FANCA: variants seen among roughly 807,000 people sequenced by gnomAD.
FANCA encodes Fanconi anemia group A protein.
In FANCA, 236 loss-of-function variants were observed where a neutral mutation model predicts 194.3. The observed-to-expected ratio is 1.21, with a 90% CI of 1.09 to 1.35. FANCA has a LOEUF of 1.35. FANCA is among the 40% of genes most tolerant of loss of function. The probability of loss-of-function intolerance (pLI) is 0.00; values close to 1 mark genes in which losing one functional copy is unlikely to be tolerated. For missense variants in FANCA, 2,628 were observed against 1,813.9 expected, an observed-to-expected ratio of 1.45 and a Z score of -8.15; for synonymous variants, 1,014 against 715.8, an observed-to-expected ratio of 1.42 and a Z score of -6.65.
intron 10 of FANCA, chr16:89,798,233 C>A (rs1023156274): frequency 1.0e-5 from 6 of 592,326 alleles, no homozygotes; most frequent in Non-Finnish European, 1.3e-5. Context: ...GAACCCAACC[C>A]TAGGGGCACC....
At position 89,791,434 on chromosome 16, in the gene FANCA, G is replaced by C. The variant is rs367733447; in HGVS notation, c.1328C>G (p.Ser443Cys). The C allele has an allele frequency of 2.2e-5, 36 of 1,614,020 alleles. No individual in the cohort carries two copies. The highest frequency in any genetic ancestry group is 2.9e-5 in the Non-Finnish European group (34 of 1,179,994). ...VVRQAALEGPSAFLSYADWFK... is the reference protein window; with the variant it reads ...VVRQAALEGPCAFLSYADWFK... ...CCAGTCTGCATATGACAGGAACGCA[G>C]AGGGGCCCTCCAGTGCTGCCTGGCG... is the stretch of plus-strand genomic sequence containing the variant. Residue 443 changes from serine (S) to cysteine (C), a missense_variant, in exon 14 of 43, where the codon TCT (serine) becomes TGT (cysteine). By Grantham distance (112) the Ser-to-Cys change is moderately radical. Coordinates refer to ENST00000389301, the MANE Select transcript of FANCA (RefSeq NM_000135.4).
intron 38 of FANCA, 103 bp from the exon 39 acceptor site, chr16:89,740,202 A>AT: frequency 1.1e-6 from 1 of 948,308 alleles, no homozygotes; most frequent in Non-Finnish European, 1.7e-6. Context: ...CTCTTTGCTT[A>AT]TTGTAAGTCT....
chr16:89,764,946 G>A lies in FANCA; in HGVS notation c.2722C>T (p.Leu908Phe), dbSNP rs771533453. ...AAGGTTCTGTGTGTCCAGAGAGAGA[G>A]GGCAGCTCTCTGCCAGTCTGCAGAA... is the stretch of plus-strand genomic sequence containing the variant. ...LPSADWQRAA[L>F]SLWTHRTFRE... The change falls in exon 28 of 43, where the codon CTC becomes TTC. Residue 908 changes from leucine to phenylalanine, a missense_variant. Physicochemically the swap from Leu to Phe is conservative, Grantham distance 22 (BLOSUM62 0). Coordinates refer to ENST00000389301, the MANE Select transcript of FANCA (RefSeq NM_000135.4). 5.6e-6 allele frequency: 9 copies of A among 1,614,206 alleles called. No homozygotes were observed. The highest frequency in any genetic ancestry group is 5.5e-5 in the South Asian group (5 of 91,076).
chr16:89,756,834 T>C (rs2038783297), intron 30 of FANCA, among the ~76,000 whole-genome samples: 1 of 152,132 alleles, frequency 6.6e-6, no homozygotes, highest in African/African-American at 2.4e-5. Context: ...AGAAACCATG[T>C]CTCAGGCAGC....
chr16:89,807,667 G>T (rs1021218886), intron 6 of FANCA, among the ~76,000 whole-genome samples: 7 of 150,946 alleles, frequency 4.6e-5, no homozygotes, highest in Non-Finnish European at 1.0e-4. Context: ...GGCAGATCCT[G>T]AAGTCAGGAG....
At chr16:89,742,219 C>T (rs1044773707) in intron 37 of FANCA, among the ~76,000 whole-genome samples, 1 of 152,004 alleles carries the variant, frequency 6.6e-6, no homozygotes, top group Non-Finnish European at 1.5e-5. Flanking sequence ...CCAAGTGATC[C>T]GCCTGCCTCG....
chr16:89,789,747 A>G (rs2040007155), intron 14 of FANCA, among the ~76,000 whole-genome samples: 1 of 152,004 alleles, frequency 6.6e-6, no homozygotes, highest in Non-Finnish European at 1.5e-5. Flanking sequence ...CCCGAACCCA[A>G]AACTTCTACA....
In FANCA at chr16:89,810,722, T is replaced by A; in HGVS notation, c.507A>T (p.Glu169Asp). Residue 169 changes from glutamate (E) to aspartate (D), a missense_variant, in exon 5 of 43, where the codon GAA (glutamate) becomes GAT (aspartate). Physicochemically the swap from Glu to Asp is conservative, Grantham distance 45. Transcript: ENST00000389301. ...TCAAATTTACCTGTATTTTCCATAA[T>A]TCTTGACAGAAGGAAAGACGGGAGA... is the stretch of plus-strand genomic sequence containing the variant. ...SMFSRLSFCQ[E>D]LWKIQSSLLL... The A allele has an allele frequency of 6.2e-7, 1 of 1,609,476 alleles. No individual in the cohort carries two copies. Among genetic ancestry groups the A allele is most frequent in the Non-Finnish European group, 8.5e-7 (1 of 1,175,738 alleles).
At chr16:89,743,327 G>A (rs1444790195) in intron 36 of FANCA, among the ~76,000 whole-genome samples, 1 of 152,236 alleles carries the variant, frequency 6.6e-6, no homozygotes, top group East Asian at 1.9e-4. Flanking sequence ...AGGACTGCCT[G>A]GCTCTGGCCC....
Position 89,815,958 on chromosome 16 carries a change from A to G in FANCA, c.108T>C (p.Asn36=), listed in dbSNP as rs1326495878. 2 of 1,614,000 alleles carry G rather than the reference A, an allele frequency of 1.2e-6. No homozygotes were observed. Among genetic ancestry groups the G allele is most frequent in the South Asian group, 1.1e-5 (1 of 91,086 alleles). Residue 36 remains asparagine, a synonymous_variant, in exon 2 of 43, where the codon AAT becomes AAC. Transcript: ENST00000389301. ...CCTTTAATTTCTGTGCCCTTTCAGGATTATATTTTTCCCTCTTGACCCTTC... is the reference window on the plus strand; with the variant it reads ...CCTTTAATTTCTGTGCCCTTTCAGGGTTATATTTTTCCCTCTTGACCCTTC... ...LAGRVKREKY[N]PERAQKLKES...
At chr16:89,809,130 T>A (rs1212511687) in intron 5 of FANCA, among the ~76,000 whole-genome samples, 1 of 151,804 alleles carries the variant, frequency 6.6e-6, no homozygotes, top group Non-Finnish European at 1.5e-5. Context: ...ATGGGCTCGA[T>A]CTCCTGACCT....
chr16:89,738,978 G>T lies in FANCA; in HGVS notation c.4168-4C>A, dbSNP rs775180524. 3.1e-6 allele frequency: 5 copies of T among 1,614,078 alleles called. No homozygotes were observed. The African/African-American group carries it at 5.3e-5, about 17-fold the overall frequency. On this transcript the variant is annotated splice_polypyrimidine_tract_variant and splice_region_variant and intron_variant, in intron 41 of 42. Coordinates refer to ENST00000389301, the MANE Select transcript of FANCA (RefSeq NM_000135.4). Reference sequence around the variant, plus strand: ...TTATCAGTTCCACGGGGTTGCCCTAGAGAGAAAACAGGCAAACTCACAGGT... The same window carrying T: ...TTATCAGTTCCACGGGGTTGCCCTATAGAGAAAACAGGCAAACTCACAGGT...
intron 27 of FANCA, 67 bp downstream of exon 27, chr16:89,767,074 C>T (rs771790924): frequency 4.8e-5 from 62 of 1,291,524 alleles, no homozygotes; most frequent in Admixed American, 3.5e-4. Context: ...CTCGGCCTTC[C>T]GGTCCGAAAG....
chr16:89,749,382 T>A (rs1034292831), intron 32 of FANCA, among the ~76,000 whole-genome samples: 19 of 151,954 alleles, frequency 1.3e-4, no homozygotes, highest in African/African-American at 4.4e-4. Flanking sequence ...CTAGCTAAAT[T>A]TTTTTGTATT....
At chr16:89,784,744 A>T in intron 15 of FANCA, 110 bp downstream of exon 15, 1 of 839,750 alleles carries the variant, frequency 1.2e-6, no homozygotes, top group Non-Finnish European at 2.1e-6. Context: ...GGCCTGGCTG[A>T]GAGGCTCAGA....
rs754544119 is a variant in FANCA, at chr16:89,752,088, C to G, written c.3066+50G>C. The G allele has an allele frequency of 2.0e-6, 3 of 1,524,984 alleles. No individual in the cohort carries two copies. In the East Asian group the frequency reaches 6.7e-5, roughly 34 times the overall value. The allele number at this position is 1,524,984 out of a possible 1,614,324, so 94.5% of individuals were successfully genotyped here. A position where few individuals can be genotyped will look rare whatever the true frequency, so the allele number is the denominator to read the frequency against. On this transcript the variant is annotated intron_variant, in intron 31 of 42. Transcript: ENST00000389301. ...CCTGGCAATAAATATCTTAATAGCA[C>G]GCGGCTTAAATGAAGTGAATGCACT...
At chr16:89,750,573 G>C (rs2038553525) in intron 31 of FANCA, among the ~76,000 whole-genome samples, 1 of 152,036 alleles carries the variant, frequency 6.6e-6, no homozygotes. Flanking sequence ...TGGATTACCT[G>C]AGGTCAGGAG....
intron 7 of FANCA, among the ~76,000 whole-genome samples, chr16:89,804,676 G>C (rs1244682579): frequency 1.3e-5 from 2 of 152,096 alleles, no homozygotes; most frequent in African/African-American, 2.4e-5. Context: ...GCCATCCTCT[G>C]GTCTCTCAGC....
At chr16:89,809,285 C>T (rs1368956143) in intron 5 of FANCA, among the ~76,000 whole-genome samples, 2 of 152,142 alleles carry the variant, frequency 1.3e-5, no homozygotes, top group African/African-American at 2.4e-5. Flanking sequence ...ACATCTTCTT[C>T]GCAAATCTGT....
Sources: gnomAD v4.1 joint callset for allele counts (sites outside exome capture counted in the v4.1 genomes callset) on GRCh38, gnomAD v4.1.1 for gene constraint, MANE v1.5 for transcripts, NCBI Gene and HGNC (gene_info 2026-07-23, HGNC 2026-07-21) for gene names.